GNAI1: variants seen among roughly 807,000 people sequenced by gnomAD.
The protein encoded by GNAI1 is guanine nucleotide-binding protein G(i) subunit alpha-1.
In GNAI1, 11 loss-of-function variants were observed where a neutral mutation model predicts 38.9. The observed-to-expected ratio is 0.28, with a 90% CI of 0.18 to 0.47. The LOEUF (loss-of-function observed/expected upper bound fraction) is 0.47, where lower values mean the gene tolerates loss of function less well. Among genes scored for constraint, GNAI1 ranks in the 20% least tolerant of loss-of-function variants. The probability of loss-of-function intolerance (pLI) is 0.99; values close to 1 mark genes in which losing one functional copy is unlikely to be tolerated. For synonymous variants in GNAI1, 166 were observed against 145.1 expected, an observed-to-expected ratio of 1.14 and a Z score of -1.04; for missense variants, 317 against 436.9, an observed-to-expected ratio of 0.73 and a Z score of 2.45.
intron 3 of GNAI1, among the ~76,000 whole-genome samples, chr7:80,197,180 AT>A (rs35283597): frequency 0.022 from 2,965 of 137,328 alleles, 64 homozygotes; most frequent in African/African-American, 0.056. Flanking sequence ...GTTTCTGTGG[AT>A]TTTTTTTTTT....
rs537277092 is a variant in GNAI1, at chr7:80,186,780, A to G, written c.119-2171A>G. On this transcript the variant is annotated intron_variant, in intron 1 of 7. Coordinates refer to ENST00000649796, the MANE Select transcript of GNAI1 (RefSeq NM_002069.6). ...CATGGCAACCACTGCCTCAACTCAC[A>G]GTACTCTAGAAACCCAGAGTGGTTT... Among the ~76,000 whole-genome samples, 36 of 152,268 alleles carry G rather than the reference A, an allele frequency of 2.4e-4. No individual in the cohort carries two copies. In the East Asian group the frequency reaches 4.3e-3, roughly 18 times the overall value.
At chr7:80,200,476 G>T (rs1176012626) in intron 4 of GNAI1, among the ~76,000 whole-genome samples, 1 of 151,922 alleles carries the variant, frequency 6.6e-6, no homozygotes, top group Non-Finnish European at 1.5e-5. Context: ...CCTATGTTGT[G>T]CATTTGTTTT....
At chr7:80,161,611 C>G (rs748396205) in intron 1 of GNAI1, among the ~76,000 whole-genome samples, 27 of 152,148 alleles carry the variant, frequency 1.8e-4, no homozygotes, top group Admixed American at 1.5e-3. Context: ...TGCATTATGG[C>G]TGTGCAATAT....
intron 5 of GNAI1, among the ~76,000 whole-genome samples, chr7:80,206,487 A>G (rs1471766769): frequency 6.6e-6 from 1 of 152,090 alleles, no homozygotes; most frequent in Non-Finnish European, 1.5e-5. Flanking sequence ...TCAAGTAATC[A>G]GATATGTCTG....
At chr7:80,169,215 T>C (rs1184756827) in intron 1 of GNAI1, among the ~76,000 whole-genome samples, 1 of 152,172 alleles carries the variant, frequency 6.6e-6, no homozygotes, top group Non-Finnish European at 1.5e-5. Flanking sequence ...TTGCGGTGGT[T>C]TTCCATCCAC....
intron 1 of GNAI1, among the ~76,000 whole-genome samples, chr7:80,156,620 G>T (rs1322288944): frequency 6.6e-6 from 1 of 152,054 alleles, no homozygotes; most frequent in Non-Finnish European, 1.5e-5. Flanking sequence ...ATTTCGTAGA[G>T]GTGGTATCTT....
chr7:80,191,560 T>G (rs1319047256), intron 3 of GNAI1, among the ~76,000 whole-genome samples: 1 of 151,906 alleles, frequency 6.6e-6, no homozygotes, highest in African/African-American at 2.4e-5. Context: ...CCTGGCTAAT[T>G]TTTGTATTTT....
chr7:80,139,782 A>AT (rs999203861), intron 1 of GNAI1, among the ~76,000 whole-genome samples: 1 of 151,924 alleles, frequency 6.6e-6, no homozygotes, highest in Non-Finnish European at 1.5e-5. Flanking sequence ...TTGGTTTAAG[A>AT]TTTTTTTTCA....
intron 1 of GNAI1, chr7:80,136,065 T>A: frequency 2.0e-6 from 2 of 984,404 alleles, no homozygotes; most frequent in Non-Finnish European, 2.4e-6. Context: ...ATGAATGAGA[T>A]TTGCCAGGTA....
At chr7:80,179,029 G>A (rs1012954596) in intron 1 of GNAI1, among the ~76,000 whole-genome samples, 1 of 152,084 alleles carries the variant, frequency 6.6e-6, no homozygotes, top group African/African-American at 2.4e-5. Flanking sequence ...ATTAAATGCA[G>A]GAATAGATAT....
chr7:80,185,397 T>C (rs1477492017), intron 1 of GNAI1, among the ~76,000 whole-genome samples: 3 of 152,140 alleles, frequency 2.0e-5, no homozygotes, highest in African/African-American at 7.2e-5. Context: ...ATTGTTTAAG[T>C]AGATCCTGAA....
chr7:80,215,165 C>A (rs952291432), intron 7 of GNAI1, among the ~76,000 whole-genome samples: 1 of 152,184 alleles, frequency 6.6e-6, no homozygotes, highest in Non-Finnish European at 1.5e-5. Context: ...AAAAAACAAT[C>A]TATCATATTT....
At chr7:80,144,625 C>A (rs1452096092) in intron 1 of GNAI1, among the ~76,000 whole-genome samples, 1 of 152,092 alleles carries the variant, frequency 6.6e-6, no homozygotes, top group Admixed American at 6.5e-5. Context: ...CTATATTATT[C>A]ATTTTTCTTG....
At chr7:80,184,787 G>C (rs1788361246) in intron 1 of GNAI1, among the ~76,000 whole-genome samples, 1 of 152,156 alleles carries the variant, frequency 6.6e-6, no homozygotes, top group Admixed American at 6.5e-5. Flanking sequence ...TGCCTGACTA[G>C]CTACCTACTA....
intron 1 of GNAI1, among the ~76,000 whole-genome samples, chr7:80,145,861 G>A (rs951657572): frequency 6.6e-6 from 1 of 152,072 alleles, no homozygotes; most frequent in African/African-American, 2.4e-5. Context: ...CAATCTCGTG[G>A]ATGCTGTGTC....
At chr7:80,147,815 A>G (rs918424560) in intron 1 of GNAI1, among the ~76,000 whole-genome samples, 1 of 152,212 alleles carries the variant, frequency 6.6e-6, no homozygotes, top group Non-Finnish European at 1.5e-5. Flanking sequence ...TCATCATAAT[A>G]TCATTTGCTG....
intron 1 of GNAI1, among the ~76,000 whole-genome samples, chr7:80,143,118 T>C (rs1231734798): frequency 6.6e-6 from 1 of 152,196 alleles, no homozygotes; most frequent in Non-Finnish European, 1.5e-5. Flanking sequence ...TGTTCCTATG[T>C]GGTGAGGATG....
chr7:80,195,707 C>T (rs1788557385), intron 3 of GNAI1, among the ~76,000 whole-genome samples: 1 of 151,948 alleles, frequency 6.6e-6, no homozygotes, highest in Non-Finnish European at 1.5e-5. Context: ...TTTAGAAGGG[C>T]TTGCAGATCT....
intron 1 of GNAI1, chr7:80,136,153 G>T (rs191431336): frequency 4.1e-4 from 227 of 560,230 alleles, no homozygotes; most frequent in Non-Finnish European, 2.9e-4. Flanking sequence ...AATGTTTGAC[G>T]GGGAAGAAAA....
Sources: gnomAD v4.1 joint callset for allele counts (sites outside exome capture counted in the v4.1 genomes callset) on GRCh38, gnomAD v4.1.1 for gene constraint, MANE v1.5 for transcripts, NCBI Gene and HGNC (gene_info 2026-07-23, HGNC 2026-07-21) for gene names.